The following CSMD1 variants were observed in gnomAD, a reference collection of about 807,000 sequenced individuals.
CSMD1 encodes the protein CUB and sushi domain-containing protein 1.
A neutral mutation model predicts 417.5 loss-of-function variants in CSMD1; 213 were observed. That is an observed-to-expected ratio of 0.51 (90% CI 0.46 to 0.57). The LOEUF (loss-of-function observed/expected upper bound fraction) is 0.57. CSMD1 is among the 20% of genes least tolerant of loss of function. The probability of loss-of-function intolerance (pLI) is 0.00; values close to 1 mark genes in which losing one functional copy is unlikely to be tolerated. For synonymous variants in CSMD1, 2,862 were observed against 1,736.8 expected (o/e 1.65, Z -16.11); for missense variants, 6,923 against 4,529.7 (o/e 1.53, Z -15.17).
chr8:4,316,681 A>C (rs542029690), intron 3 of CSMD1, among the ~76,000 whole-genome samples: 2 of 151,634 alleles, frequency 1.3e-5, no homozygotes, highest in Admixed American at 1.3e-4. Context: ...ATGCAAACTA[A>C]GGGGGGGGCT....
chr8:4,473,235 C>A (rs1028972665), intron 2 of CSMD1, among the ~76,000 whole-genome samples: 1 of 152,066 alleles, frequency 6.6e-6, no homozygotes, highest in African/African-American at 2.4e-5. Flanking sequence ...AAATTTTAAG[C>A]CATTTTGTAA....
intron 25 of CSMD1, among the ~76,000 whole-genome samples, chr8:3,297,830 T>C (rs372830758): frequency 6.6e-6 from 1 of 151,904 alleles, no homozygotes; most frequent in Non-Finnish European, 1.5e-5. Context: ...GTTTAAAAAT[T>C]TGCTAACCGT....
At chr8:3,295,345 C>T (rs1584947502) in intron 25 of CSMD1, among the ~76,000 whole-genome samples, 1 of 151,998 alleles carries the variant, frequency 6.6e-6, no homozygotes, top group East Asian at 1.9e-4. Context: ...CCAGGAAGGT[C>T]TCGATCTCCT....
intron 3 of CSMD1, among the ~76,000 whole-genome samples, chr8:4,271,460 C>T (rs1585133488): frequency 6.6e-6 from 1 of 151,992 alleles, no homozygotes; most frequent in African/African-American, 2.4e-5. Flanking sequence ...AAGAAAAACT[C>T]ACTGCAATGC....
At chr8:3,750,975 G>A (rs928992421) in intron 6 of CSMD1, among the ~76,000 whole-genome samples, 2 of 152,030 alleles carry the variant, frequency 1.3e-5, no homozygotes, top group African/African-American at 4.8e-5. Flanking sequence ...CCTTCTGATG[G>A]GTCTTGTCAT....
chr8:3,422,904 C>T (rs552150783), intron 12 of CSMD1, among the ~76,000 whole-genome samples: 1 of 152,192 alleles, frequency 6.6e-6, no homozygotes, highest in African/African-American at 2.4e-5. Context: ...GAACACTGTC[C>T]TCACATGGCA....
intron 5 of CSMD1, among the ~76,000 whole-genome samples, chr8:3,986,749 T>G (rs1022724794): frequency 6.8e-6 from 1 of 147,668 alleles, no homozygotes; most frequent in Non-Finnish European, 1.5e-5. Context: ...GCTTTTACAA[T>G]GTTTAAGTGA....
intron 2 of CSMD1, among the ~76,000 whole-genome samples, chr8:4,587,579 T>C (rs1799771262): frequency 6.6e-6 from 1 of 152,108 alleles, no homozygotes; most frequent in South Asian, 2.1e-4. Flanking sequence ...CTTTCCTAGA[T>C]GTGTAAAAGA....
intron 1 of CSMD1, among the ~76,000 whole-genome samples, chr8:4,911,254 T>G (rs1805652387): frequency 1.3e-5 from 2 of 152,256 alleles, no homozygotes; most frequent in Non-Finnish European, 2.9e-5. Flanking sequence ...ATGACCTTTG[T>G]CCACCAGTCG....
intron 39 of CSMD1, 125 bp from the exon 40 acceptor site, chr8:3,151,638 T>C (rs947821471): frequency 6.3e-6 from 4 of 636,670 alleles, no homozygotes; most frequent in Non-Finnish European, 1.1e-5. Context: ...TGCCCCTAAT[T>C]ACAGCACACG....
At chr8:4,390,797 T>A (rs1803799504) in intron 3 of CSMD1, among the ~76,000 whole-genome samples, 1 of 152,056 alleles carries the variant, frequency 6.6e-6, no homozygotes, top group Non-Finnish European at 1.5e-5. Context: ...TGCCTCAGCC[T>A]CCCAAAGTGC....
intron 29 of CSMD1, among the ~76,000 whole-genome samples, 158 bp downstream of exon 29, chr8:3,219,097 C>A: frequency 6.6e-6 from 1 of 152,126 alleles, no homozygotes; most frequent in East Asian, 1.9e-4. Flanking sequence ...GGAATATCTT[C>A]ACTGGAGAGG....
chr8:4,253,054 C>T (rs560679893), intron 3 of CSMD1, among the ~76,000 whole-genome samples: 28 of 152,278 alleles, frequency 1.8e-4, no homozygotes, highest in South Asian at 4.1e-4. Context: ...CAACGTCTTA[C>T]GATGAGACTA....
intron 51 of CSMD1, among the ~76,000 whole-genome samples, chr8:3,020,352 C>T (rs973216265): frequency 1.3e-5 from 2 of 152,134 alleles, no homozygotes; most frequent in African/African-American, 2.4e-5. Flanking sequence ...GATGCATGTA[C>T]CACTAAAACC....
At chr8:3,932,181 G>A (rs17401015) in intron 5 of CSMD1, among the ~76,000 whole-genome samples, 2,355 of 150,394 alleles carry the variant, frequency 0.016, 149 homozygotes, top group Non-Finnish European at 0.023. Context: ...CCTAACTGTA[G>A]ACACTGTTTC....
intron 3 of CSMD1, among the ~76,000 whole-genome samples, chr8:4,386,353 A>C (rs1803454196): frequency 6.6e-6 from 1 of 150,984 alleles, no homozygotes. Flanking sequence ...CTTCCATCCC[A>C]CTCAAACAAT....
At chr8:3,764,746 T>C (rs1425462491) in intron 5 of CSMD1, among the ~76,000 whole-genome samples, 3 of 149,476 alleles carry the variant, frequency 2.0e-5, no homozygotes, top group Non-Finnish European at 4.5e-5. Context: ...TTTCTTTTTT[T>C]TTTTTTTTTT....
chr8:4,297,930 A>C (rs1797773686), intron 3 of CSMD1, among the ~76,000 whole-genome samples: 1 of 152,222 alleles, frequency 6.6e-6, no homozygotes, highest in Non-Finnish European at 1.5e-5. Flanking sequence ...TTTATTAGCA[A>C]AGGAAAATAA....
chr8:4,182,829 G>T (rs990897199), intron 3 of CSMD1, among the ~76,000 whole-genome samples: 1 of 152,086 alleles, frequency 6.6e-6, no homozygotes, highest in Non-Finnish European at 1.5e-5. Context: ...AATTATAAGG[G>T]TCATTCTAAT....
Sources: gnomAD v4.1 joint callset for allele counts (sites outside exome capture counted in the v4.1 genomes callset) on GRCh38, gnomAD v4.1.1 for gene constraint, MANE v1.5 for transcripts, NCBI Gene and HGNC (gene_info 2026-07-23, HGNC 2026-07-21) for gene names.